WDPCP: variants seen among roughly 807,000 people sequenced by gnomAD.
The protein encoded by WDPCP is WD repeat containing planar cell polarity effector.
Under a neutral mutation model 93.1 loss-of-function variants are expected in WDPCP, and 71 were observed. The ratio of observed to expected loss-of-function variants is 0.76; its 90% confidence interval spans 0.63 to 0.93. The LOEUF is 0.93. Among genes scored for constraint, WDPCP ranks in the 40% least tolerant of loss-of-function variants. The pLI is 0.00. For synonymous variants in WDPCP, 315 were observed against 315.0 expected, an observed-to-expected ratio of 1.00 and a Z score of 0.00; for missense variants, 844 against 887.4, an observed-to-expected ratio of 0.95 and a Z score of 0.62.
At chr2:63,636,603 C>G (rs994482275) in intron 3 of WDPCP, among the ~76,000 whole-genome samples, 4 of 152,178 alleles carry the variant, frequency 2.6e-5, no homozygotes, top group Admixed American at 6.5e-5. Flanking sequence ...CCTGGCTAAT[C>G]TTTTTTCACT....
At chr2:63,760,785 CTG>C (rs2103913439) in intron 2 of WDPCP, among the ~76,000 whole-genome samples, 1 of 152,302 alleles carries the variant, frequency 6.6e-6, no homozygotes, top group South Asian at 2.1e-4. Context: ...AGGATGCCCT[CTG>C]TGTGACAGTC....
chr2:63,481,925 CA>C (rs1700287068), intron 6 of WDPCP, among the ~76,000 whole-genome samples: 1 of 151,492 alleles, frequency 6.6e-6, no homozygotes, highest in Non-Finnish European at 1.5e-5. Flanking sequence ...AAAATAAAAA[CA>C]GGAGAAAAAA....
intron 1 of WDPCP, among the ~76,000 whole-genome samples, chr2:63,528,182 T>C (rs1336125166): frequency 1.3e-5 from 2 of 152,216 alleles, no homozygotes; most frequent in African/African-American, 2.4e-5. Flanking sequence ...TTCACCCTGA[T>C]GGTAGTTTCT....
chr2:63,517,150 G>A (rs967336608), intron 1 of WDPCP, among the ~76,000 whole-genome samples: 2 of 151,884 alleles, frequency 1.3e-5, no homozygotes, highest in Non-Finnish European at 2.9e-5. Flanking sequence ...CTTGCCTAGA[G>A]CACTTCAATA....
rs905386438 is a variant in WDPCP at position 63,155,218 on chromosome 2, T to C, written c.2079-1644A>G. On this transcript the variant is annotated intron_variant, in intron 15 of 17. Coordinates refer to ENST00000272321, the MANE Select transcript of WDPCP (RefSeq NM_015910.7). ...CTTTGTTAATCCCAGGTCACAAATA[T>C]TTCCTCCTATGCTTTCTTCTAAAAG... 3.9e-5 allele frequency among the ~76,000 whole-genome samples: 6 copies of C among 152,352 alleles called. No individual in the cohort carries two copies. In the East Asian group the frequency reaches 5.8e-4, roughly 15 times the overall value.
chr2:63,344,754 C>T (rs893344067), intron 12 of WDPCP, among the ~76,000 whole-genome samples: 2 of 152,250 alleles, frequency 1.3e-5, no homozygotes, highest in African/African-American at 2.4e-5. Context: ...GTGAAAAAAC[C>T]GAACCTCTGT....
the WDPCP span, among the ~76,000 whole-genome samples, chr2:63,835,189 C>T: frequency 1.3e-5 from 2 of 151,636 alleles, no homozygotes; most frequent in Admixed American, 1.3e-4. Flanking sequence ...GAGTTTGAGA[C>T]CAGCCTGGCC....
chr2:63,765,260 T>A (rs1372277673), intron 2 of WDPCP, among the ~76,000 whole-genome samples: 1 of 152,034 alleles, frequency 6.6e-6, no homozygotes, highest in Non-Finnish European at 1.5e-5. Context: ...TCAGCTGAGA[T>A]CTGAACAATA....
the WDPCP span, among the ~76,000 whole-genome samples, chr2:63,837,203 T>A: frequency 2.0e-5 from 3 of 152,220 alleles, no homozygotes; most frequent in African/African-American, 7.2e-5. Context: ...GGAAACCCAT[T>A]CATTTTTAGA....
intron 8 of WDPCP, among the ~76,000 whole-genome samples, chr2:63,437,070 C>T (rs1697183591): frequency 6.6e-6 from 1 of 151,932 alleles, no homozygotes; most frequent in African/African-American, 2.4e-5. Flanking sequence ...CTATCCTACC[C>T]TAGAAAGATG....
At chr2:63,240,900 G>A (rs1267881847) in intron 14 of WDPCP, among the ~76,000 whole-genome samples, 3 of 152,128 alleles carry the variant, frequency 2.0e-5, no homozygotes, top group Non-Finnish European at 4.4e-5. Context: ...GACTAGGTAA[G>A]TTCTGAAGAG....
chr2:63,224,214 A>G (rs1244744671), intron 14 of WDPCP, among the ~76,000 whole-genome samples: 1 of 152,082 alleles, frequency 6.6e-6, no homozygotes, highest in Non-Finnish European at 1.5e-5. Flanking sequence ...CTACACACCT[A>G]TTGGGATGGC....
intron 17 of WDPCP, among the ~76,000 whole-genome samples, chr2:63,141,190 T>C: frequency 6.6e-6 from 1 of 152,146 alleles, no homozygotes; most frequent in East Asian, 1.9e-4. Context: ...GCGATTCTCC[T>C]GTCTCAGCCT....
rs1245113483 is a variant in WDPCP at position 63,417,831 on chromosome 2, T to C, written c.826-13174A>G. Reference sequence around the variant, plus strand: ...GTAGATTGGAATTTCAATTAAAATTTTGAAATAAGACATTTTGTATTTAAA... The same window carrying C: ...GTAGATTGGAATTTCAATTAAAATTCTGAAATAAGACATTTTGTATTTAAA... On this transcript the variant is annotated intron_variant, in intron 9 of 17. Coordinates refer to ENST00000272321, the MANE Select transcript of WDPCP (RefSeq NM_015910.7). 2.0e-5 allele frequency among the ~76,000 whole-genome samples: 3 copies of C among 150,350 alleles called. No individual in the cohort carries two copies. In the East Asian group the frequency reaches 5.8e-4, roughly 29 times the overall value.
At chr2:63,341,827 T>C (rs1294292445) in intron 12 of WDPCP, among the ~76,000 whole-genome samples, 1 of 152,248 alleles carries the variant, frequency 6.6e-6, no homozygotes, top group Non-Finnish European at 1.5e-5. Context: ...TAGCATCTTA[T>C]TTTATTTGTT....
At chr2:63,340,480 A>G (rs1405971904) in intron 12 of WDPCP, among the ~76,000 whole-genome samples, 1 of 152,156 alleles carries the variant, frequency 6.6e-6, no homozygotes, top group Non-Finnish European at 1.5e-5. Flanking sequence ...CCTAAGGGAT[A>G]TTTCTTCATT....
intron 14 of WDPCP, among the ~76,000 whole-genome samples, chr2:63,193,839 T>C (rs1675220212): frequency 6.6e-6 from 1 of 152,174 alleles, no homozygotes; most frequent in Non-Finnish European, 1.5e-5. Flanking sequence ...GGTTTATTCA[T>C]AAGGAAAAAA....
At chr2:63,302,598 T>C (rs569964982) in intron 13 of WDPCP, among the ~76,000 whole-genome samples, 95 of 152,272 alleles carry the variant, frequency 6.2e-4, no homozygotes, top group Non-Finnish European at 1.1e-3. Context: ...TTCTTACCAG[T>C]TGGGCTTTTG....
chr2:63,416,358 C>T (rs1173370664), intron 9 of WDPCP, among the ~76,000 whole-genome samples: 2 of 150,170 alleles, frequency 1.3e-5, no homozygotes, highest in African/African-American at 2.4e-5. Context: ...CACCACCACA[C>T]CCAGCTAATT....
Sources: gnomAD v4.1 joint callset for allele counts (sites outside exome capture counted in the v4.1 genomes callset) on GRCh38, gnomAD v4.1.1 for gene constraint, MANE v1.5 for transcripts, NCBI Gene and HGNC (gene_info 2026-07-23, HGNC 2026-07-21) for gene names.